RALGAPA2: variants seen among roughly 807,000 people sequenced by gnomAD.
The protein encoded by RALGAPA2 is ral GTPase-activating protein subunit alpha-2.
Under a neutral mutation model 230.4 loss-of-function variants are expected in RALGAPA2, and 139 were observed. The ratio of observed to expected loss-of-function variants is 0.60; its 90% CI spans 0.53 to 0.69. RALGAPA2 has a LOEUF of 0.69. Ranked by LOEUF, RALGAPA2 falls within the 30% of genes least tolerant of loss-of-function variation. The probability of loss-of-function intolerance (pLI) is 0.00; values close to 1 mark genes in which losing one functional copy is unlikely to be tolerated. For synonymous variants in RALGAPA2, 847 were observed against 837.8 expected (o/e 1.01, Z -0.19); for missense variants, 2,163 against 2,276.0 (o/e 0.95, Z 1.01).
intron 37 of RALGAPA2, among the ~76,000 whole-genome samples, chr20:20,427,993 A>G (rs2060421954): frequency 6.6e-6 from 1 of 152,220 alleles, no homozygotes; most frequent in Admixed American, 6.5e-5. Context: ...AGTCTGCTGC[A>G]GTCAGAAGAG....
Position 20,460,831 on chromosome 20 carries a change from C to T in RALGAPA2, c.5495+11998G>A, listed in dbSNP as rs116241455. On this transcript the variant is annotated intron_variant, in intron 37 of 39. Transcript: ENST00000202677. ...ACTCCAAAGCATGACTGACCTGCTA[C>T]CTTATTGAATCTTGATGACCTAAAA... 3.7e-3 allele frequency among the ~76,000 whole-genome samples: 565 copies of T among 152,242 alleles called. 2 individuals are homozygous for T. Among genetic ancestry groups the T allele is most frequent in the African/African-American group, 0.013 (526 of 41,528 alleles).
chr20:20,400,129 G>A (rs899732135), intron 38 of RALGAPA2, among the ~76,000 whole-genome samples: 5 of 152,302 alleles, frequency 3.3e-5, no homozygotes, highest in East Asian at 1.9e-4. Flanking sequence ...CTGAGGAAGG[G>A]AACAGGTGCA....
chr20:20,572,803 A>G, intron 21 of RALGAPA2, 72 bp downstream of exon 21: 1 of 1,286,572 alleles, frequency 7.8e-7, no homozygotes, highest in South Asian at 1.8e-5. Context: ...AGTTAACTGA[A>G]ACACAGTTTT....
At chr20:20,634,422 A>G (rs567400229) in intron 9 of RALGAPA2, among the ~76,000 whole-genome samples, 1 of 152,228 alleles carries the variant, frequency 6.6e-6, no homozygotes, top group South Asian at 2.1e-4. Context: ...TCTTTCAGCA[A>G]GTCTTTCATT....
At position 20,487,225 on chromosome 20, in the gene RALGAPA2, C is replaced by T. The variant is rs114798306; in HGVS notation, c.5367+7892G>A. 1.5e-3 allele frequency among the ~76,000 whole-genome samples: 231 copies of T among 152,230 alleles called. 2 individuals are homozygous for T. Among genetic ancestry groups the T allele is most frequent in the African/African-American group, 5.1e-3 (213 of 41,524 alleles). ...TTTTATGTTTAACTGGCTAACAGGC[C>T]GTGCTTCTTGTTTTCTATAGCTGTA... On this transcript the variant is annotated intron_variant, in intron 36 of 39. Coordinates refer to ENST00000202677, the MANE Select transcript of RALGAPA2 (RefSeq NM_020343.4).
At chr20:20,546,651 T>C in intron 24 of RALGAPA2, 53 bp downstream of exon 24, 1 of 1,517,824 alleles carries the variant, frequency 6.6e-7, no homozygotes, top group Non-Finnish European at 8.8e-7. Context: ...TGAACCTTGT[T>C]AGCGATTGTG....
intron 36 of RALGAPA2, among the ~76,000 whole-genome samples, chr20:20,492,724 C>T (rs532886818): frequency 2.6e-5 from 4 of 152,222 alleles, no homozygotes; most frequent in South Asian, 2.1e-4. Flanking sequence ...CCTCATTGTC[C>T]GTAATATCCT....
chr20:20,505,297 T>C (rs569889552), intron 34 of RALGAPA2, 114 bp downstream of exon 34: 1 of 1,258,300 alleles, frequency 7.9e-7, no homozygotes, highest in East Asian at 3.0e-5. Context: ...TCCAGAACTC[T>C]ATCTATGCTA....
At chr20:20,594,617 T>C (rs1003079755) in intron 16 of RALGAPA2, among the ~76,000 whole-genome samples, 1 of 152,176 alleles carries the variant, frequency 6.6e-6, no homozygotes, top group African/African-American at 2.4e-5. Flanking sequence ...CACCAAATAA[T>C]GTACTCTCTC....
At chr20:20,477,067 T>G (rs1194429434) in intron 36 of RALGAPA2, among the ~76,000 whole-genome samples, 1 of 152,274 alleles carries the variant, frequency 6.6e-6, no homozygotes, top group East Asian at 1.9e-4. Context: ...CTTCATTGTA[T>G]TAGTGATTGA....
At chr20:20,673,586 A>G (rs1019712909) in intron 3 of RALGAPA2, among the ~76,000 whole-genome samples, 1 of 152,152 alleles carries the variant, frequency 6.6e-6, no homozygotes, top group South Asian at 2.1e-4. Context: ...AGAAAAAAAA[A>G]CCAGAAAATA....
At chr20:20,689,630 G>A in intron 1 of RALGAPA2, among the ~76,000 whole-genome samples, 1 of 152,184 alleles carries the variant, frequency 6.6e-6, no homozygotes, top group East Asian at 1.9e-4. Flanking sequence ...GACAGGGCGA[G>A]ACTCCGTCTC....
chr20:20,427,567 G>A (rs1257273303), intron 37 of RALGAPA2, among the ~76,000 whole-genome samples: 1 of 152,032 alleles, frequency 6.6e-6, no homozygotes, highest in African/African-American at 2.4e-5. Context: ...CCCGTTTCAA[G>A]TGGTGGTGTA....
At chr20:20,538,759 C>T (rs186529304) in intron 24 of RALGAPA2, among the ~76,000 whole-genome samples, 4 of 152,162 alleles carry the variant, frequency 2.6e-5, no homozygotes, top group East Asian at 3.9e-4. Flanking sequence ...TGAATGCATG[C>T]GTCTTTGTGG....
chr20:20,473,202 C>G (rs369738280), intron 36 of RALGAPA2, among the ~76,000 whole-genome samples: 2 of 152,142 alleles, frequency 1.3e-5, no homozygotes, highest in East Asian at 3.9e-4. Context: ...CCAGGTTCTT[C>G]GTTTTTTCTC....
chr20:20,406,747 A>G (rs1211843583), intron 38 of RALGAPA2, among the ~76,000 whole-genome samples: 4 of 152,178 alleles, frequency 2.6e-5, no homozygotes, highest in South Asian at 2.1e-4. Context: ...CCCTGTCTCT[A>G]TAAGAAATAC....
At chr20:20,693,714 G>C (rs2069000717) in intron 1 of RALGAPA2, among the ~76,000 whole-genome samples, 1 of 152,134 alleles carries the variant, frequency 6.6e-6, no homozygotes, top group Admixed American at 6.5e-5. Context: ...AGGATGGTGG[G>C]TACCATTCTT....
At chr20:20,689,152 TA>T (rs1213578508) in intron 1 of RALGAPA2, among the ~76,000 whole-genome samples, 2 of 152,218 alleles carry the variant, frequency 1.3e-5, no homozygotes, top group African/African-American at 4.8e-5. Context: ...CTAAAATTTT[TA>T]AACTTGTTGA....
At chr20:20,486,797 G>A (rs564407081) in intron 36 of RALGAPA2, among the ~76,000 whole-genome samples, 6 of 152,216 alleles carry the variant, frequency 3.9e-5, no homozygotes, top group Admixed American at 6.5e-5. Flanking sequence ...CCAGTTTCAC[G>A]GTTTCTACTG....
Sources: gnomAD v4.1 joint callset for allele counts (sites outside exome capture counted in the v4.1 genomes callset) on GRCh38, gnomAD v4.1.1 for gene constraint, MANE v1.5 for transcripts, NCBI Gene and HGNC (gene_info 2026-07-23, HGNC 2026-07-21) for gene names.